The following ACTN4 variants were observed in gnomAD, a reference collection of about 807,000 sequenced individuals.
ACTN4 encodes alpha-actinin-4.
Under a neutral mutation model 114.2 loss-of-function variants are expected in ACTN4, and 18 were observed. The observed-to-expected ratio is 0.16, with a 90% CI of 0.11 to 0.23. The LOEUF is 0.23. Among genes scored for constraint, ACTN4 ranks in the 10% least tolerant of loss-of-function variants. The pLI is 1.00. For synonymous variants in ACTN4, 515 were observed against 506.3 expected (o/e 1.02, Z -0.23); for missense variants, 722 against 1,262.9 (o/e 0.57, Z 6.49).
intron 1 of ACTN4, among the ~76,000 whole-genome samples, chr19:38,694,180 G>A (rs1278038026): frequency 6.6e-6 from 1 of 152,134 alleles, no homozygotes; most frequent in African/African-American, 2.4e-5. Context: ...CGAAGCGGGT[G>A]ATCTGCTGGG....
intron 1 of ACTN4, among the ~76,000 whole-genome samples, chr19:38,681,953 C>T (rs1967590538): frequency 6.6e-6 from 1 of 152,180 alleles, no homozygotes; most frequent in Non-Finnish European, 1.5e-5. Context: ...GCTTCAGCCT[C>T]CTGAGTAGCT....
At chr19:38,710,063 C>T (rs1599835601) in intron 7 of ACTN4, among the ~76,000 whole-genome samples, 194 bp from the exon 8 acceptor site, 1 of 152,238 alleles carries the variant, frequency 6.6e-6, no homozygotes, top group East Asian at 1.9e-4. Flanking sequence ...TAATCCGCTT[C>T]CCACAGCCTT....
intron 1 of ACTN4, among the ~76,000 whole-genome samples, chr19:38,659,065 C>CTTTTTTTCTT (rs1555822758): frequency 8.1e-5 from 9 of 111,692 alleles, no homozygotes; most frequent in Admixed American, 6.1e-4. Context: ...CTTTTCTTTT[C>CTTTTTTTCTT]TTTTTTTTTT....
At chr19:38,671,661 A>G (rs1967132136) in intron 1 of ACTN4, among the ~76,000 whole-genome samples, 1 of 152,204 alleles carries the variant, frequency 6.6e-6, no homozygotes, top group African/African-American at 2.4e-5. Context: ...CTTGGAAACA[A>G]ATTTGGACAC....
At chr19:38,718,348 G>A in intron 11 of ACTN4, 4 of 596,236 alleles carry the variant, frequency 6.7e-6, no homozygotes, top group Non-Finnish European at 9.2e-6. Flanking sequence ...GCAACATAGC[G>A]AGACCCTGCC....
intron 1 of ACTN4, among the ~76,000 whole-genome samples, chr19:38,661,689 G>A (rs966627323): frequency 2.0e-5 from 3 of 152,050 alleles, no homozygotes; most frequent in Admixed American, 2.0e-4. Flanking sequence ...GTCTCACTCT[G>A]TTGCCCAGGC....
intron 1 of ACTN4, among the ~76,000 whole-genome samples, chr19:38,670,112 A>G (rs1007156668): frequency 2.0e-5 from 3 of 152,008 alleles, no homozygotes; most frequent in Non-Finnish European, 4.4e-5. Context: ...TCTCCTCCAT[A>G]TGCCCCTCCC....
chr19:38,669,347 G>A (rs968451584), intron 1 of ACTN4, among the ~76,000 whole-genome samples: 1 of 152,314 alleles, frequency 6.6e-6, no homozygotes, highest in East Asian at 1.9e-4. Context: ...ATGACAGATT[G>A]AGGCAAGAAG....
chr19:38,726,827 CCT>C (rs1969247977), intron 17 of ACTN4, 128 bp from the exon 18 acceptor site: 2 of 1,390,814 alleles, frequency 1.4e-6, no homozygotes, highest in Admixed American at 4.0e-5. Flanking sequence ...GCCCGTGTCC[CCT>C]GTGAGGTGTA....
rs750702920 is a variant in ACTN4 at position 38,721,629 on chromosome 19, C to T, written c.1383C>T (p.Ser461=). 1.5e-5 allele frequency: 24 copies of T among 1,613,896 alleles called. No individual in the cohort carries two copies. The highest frequency in any genetic ancestry group is 8.8e-5 in the South Asian group (8 of 91,094). The change falls in exon 12 of 21, where the codon AGC becomes AGT. Residue 461 remains serine (S), a synonymous_variant. Coordinates refer to ENST00000252699, the MANE Select transcript of ACTN4 (RefSeq NM_004924.6). ...TTCGCAAGCACGAGGCCTTCGAGAG[C>T]GACCTGGCTGCGCACCAGGACCGCG... ...ALIRKHEAFE[S]DLAAHQDRVE... is the part of the protein sequence containing the mutation.
chr19:38,673,513 A>G (rs1269363485), intron 1 of ACTN4, among the ~76,000 whole-genome samples: 1 of 84,428 alleles, frequency 1.2e-5, no homozygotes, highest in South Asian at 3.3e-4. Context: ...ATATGAATAT[A>G]TATTTATATA....
intron 1 of ACTN4, among the ~76,000 whole-genome samples, chr19:38,682,560 G>T (rs1967609641): frequency 6.6e-6 from 1 of 152,150 alleles, no homozygotes; most frequent in Non-Finnish European, 1.5e-5. Context: ...GGTCCTTTTA[G>T]TTCTCTCCAG....
intron 12 of ACTN4, among the ~76,000 whole-genome samples, chr19:38,722,977 G>A (rs1285511789): frequency 6.6e-5 from 10 of 152,324 alleles, no homozygotes; most frequent in East Asian, 1.9e-4. Context: ...AGGATGAGCC[G>A]GATGGGCAGC....
At chr19:38,688,466 G>A (rs1269543233) in intron 1 of ACTN4, among the ~76,000 whole-genome samples, 1 of 151,772 alleles carries the variant, frequency 6.6e-6, no homozygotes, top group African/African-American at 2.4e-5. Flanking sequence ...AGCTAGTGGG[G>A]AGGCTGAGGT....
At chr19:38,712,913 G>A (rs1968707305) in intron 8 of ACTN4, among the ~76,000 whole-genome samples, 1 of 152,124 alleles carries the variant, frequency 6.6e-6, no homozygotes, top group Admixed American at 6.5e-5. Flanking sequence ...GGACAGTATG[G>A]GTGGGTGCTG....
rs1968259765 is a variant in ACTN4 at position 38,701,121 on chromosome 19, G to A, written c.397G>A (p.Glu133Lys). 1 of 1,613,856 alleles carries A rather than the reference G, an allele frequency of 6.2e-7. No homozygotes were observed. Among genetic ancestry groups the A allele is most frequent in the Non-Finnish European group, 8.5e-7 (1 of 1,180,050 alleles). The change falls in exon 3 of 21, where the codon GAG becomes AAG. Residue 133 changes from glutamate (E) to lysine (K), a missense_variant and splice_region_variant. Around this residue, in one of 3 missense-constraint regions of ACTN4, gnomAD observed 127 missense variants for 311.3 expected, o/e 0.41. Transcript: ENST00000252699. ...CAAGCTGGTCTCCATCGGGGCAGAA[G>A]GTGAGCTGGAGGTGGGGCAGCGAGG... ...GVKLVSIGAE[E>K]IVDGNAKMTL... is the part of the protein sequence containing the mutation.
At chr19:38,679,724 GGCC>G (rs1967495949) in intron 1 of ACTN4, among the ~76,000 whole-genome samples, 1 of 151,894 alleles carries the variant, frequency 6.6e-6, no homozygotes, top group Admixed American at 6.6e-5. Context: ...CAGAACTCCT[GGCC>G]TCAAGCGATT....
chr19:38,682,672 C>A (rs1967614706), intron 1 of ACTN4, among the ~76,000 whole-genome samples: 1 of 152,178 alleles, frequency 6.6e-6, no homozygotes, highest in African/African-American at 2.4e-5. Context: ...TGTGCTCCTC[C>A]CCCATGAGGC....
intron 1 of ACTN4, among the ~76,000 whole-genome samples, chr19:38,695,577 C>T (rs981797606): frequency 5.3e-5 from 8 of 152,132 alleles, no homozygotes; most frequent in Admixed American, 1.3e-4. Flanking sequence ...TTGTCCCCTT[C>T]GGCTCTTTCC....
Sources: gnomAD v4.1 joint callset for allele counts (sites outside exome capture counted in the v4.1 genomes callset) on GRCh38, gnomAD v4.1.1 for gene constraint, gnomAD v4.1.1 regional missense constraint, MANE v1.5 for transcripts, NCBI Gene and HGNC (gene_info 2026-07-23, HGNC 2026-07-21) for gene names.